The following LHFPL3 variants were observed in gnomAD, a reference collection of about 807,000 sequenced individuals.
LHFPL3 encodes LHFPL tetraspan subfamily member 3 protein.
Under a neutral mutation model 19.3 loss-of-function variants are expected in LHFPL3, and 5 were observed. The observed-to-expected ratio is 0.26, with a 90% CI of 0.14 to 0.54. The LOEUF is 0.54. Ranked by LOEUF, LHFPL3 falls within the 20% of genes least tolerant of loss-of-function variation. The pLI is 0.94. For missense variants in LHFPL3, 249 were observed against 307.4 expected, an observed-to-expected ratio of 0.81 and a Z score of 1.42; for synonymous variants, 133 against 126.2, an observed-to-expected ratio of 1.05 and a Z score of -0.36.
intron 1 of LHFPL3, among the ~76,000 whole-genome samples, chr7:104,371,647 C>CT (rs11332825): frequency 3.4e-4 from 51 of 149,244 alleles, no homozygotes; most frequent in South Asian, 8.5e-4. Context: ...GGCAAATTTT[C>CT]TTTTTTTTTT....
At chr7:104,498,517 G>A (rs1376284213) in intron 1 of LHFPL3, among the ~76,000 whole-genome samples, 2 of 134,494 alleles carry the variant, frequency 1.5e-5, no homozygotes, top group Non-Finnish European at 3.1e-5. Flanking sequence ...TTTTTTTTGA[G>A]ACAGGGTCTC....
intron 1 of LHFPL3, among the ~76,000 whole-genome samples, chr7:104,385,086 G>T (rs1187951080): frequency 6.6e-6 from 1 of 152,086 alleles, no homozygotes; most frequent in Non-Finnish European, 1.5e-5. Context: ...TGAGAACCTG[G>T]TGTGGTGACT....
intron 2 of LHFPL3, among the ~76,000 whole-genome samples, chr7:104,875,233 A>G (rs1295744096): frequency 7.2e-6 from 1 of 138,696 alleles, no homozygotes; most frequent in Admixed American, 7.2e-5. Flanking sequence ...TTACCTATAG[A>G]TAAGGTAAGC....
chr7:104,466,499 G>C (rs1792788477), intron 1 of LHFPL3, among the ~76,000 whole-genome samples: 1 of 152,172 alleles, frequency 6.6e-6, no homozygotes, highest in Non-Finnish European at 1.5e-5. Flanking sequence ...AAAATATCTA[G>C]TAACTGGAAA....
chr7:104,886,241 C>T (rs371205534), intron 2 of LHFPL3, among the ~76,000 whole-genome samples: 32 of 152,216 alleles, frequency 2.1e-4, no homozygotes, highest in African/African-American at 7.0e-4. Flanking sequence ...ATTTGTTGAA[C>T]GAATGACTGA....
rs573984312 is a variant in LHFPL3, at chr7:104,409,638, A to G, written c.445+80414A>G. On this transcript the variant is annotated intron_variant, in intron 1 of 2. Coordinates refer to ENST00000424859, the MANE Select transcript of LHFPL3 (RefSeq NM_199000.3). ...CAAAAAAGAATAAGTAAATAAATAA[A>G]AGAAAAATCTTGGAAAATACTGAAA... Among the ~76,000 whole-genome samples the G allele has an allele frequency of 1.4e-4, 21 of 152,254 alleles. No individual in the cohort carries two copies. In the South Asian group the frequency reaches 3.7e-3, roughly 27 times the overall value.
At chr7:104,439,761 G>A (rs553890478) in intron 1 of LHFPL3, among the ~76,000 whole-genome samples, 2 of 151,876 alleles carry the variant, frequency 1.3e-5, no homozygotes, top group African/African-American at 2.4e-5. Context: ...AAAACTGAAC[G>A]CTTTTCTCCT....
intron 1 of LHFPL3, among the ~76,000 whole-genome samples, chr7:104,446,089 G>A (rs760688606): frequency 7.2e-5 from 11 of 152,082 alleles, no homozygotes; most frequent in Non-Finnish European, 1.6e-4. Context: ...ATGCCTTCTA[G>A]GTCAGTTTCT....
intron 1 of LHFPL3, among the ~76,000 whole-genome samples, chr7:104,500,995 A>G (rs368221994): frequency 7.2e-5 from 11 of 152,298 alleles, no homozygotes; most frequent in African/African-American, 2.6e-4. Flanking sequence ...GTATAGAGTT[A>G]TCTCAGTATA....
At chr7:104,800,564 G>T (rs1188406703) in intron 2 of LHFPL3, among the ~76,000 whole-genome samples, 2 of 152,100 alleles carry the variant, frequency 1.3e-5, no homozygotes, top group East Asian at 3.8e-4. Context: ...TCTCCCAACT[G>T]TCAAATGCAG....
chr7:104,405,162 G>A (rs1475008295), intron 1 of LHFPL3, among the ~76,000 whole-genome samples: 2 of 151,972 alleles, frequency 1.3e-5, no homozygotes, highest in Non-Finnish European at 2.9e-5. Context: ...ATCATGATTG[G>A]GTTTGTCAGT....
intron 1 of LHFPL3, among the ~76,000 whole-genome samples, chr7:104,554,331 G>T (rs1794717410): frequency 6.6e-6 from 1 of 151,702 alleles, no homozygotes; most frequent in Admixed American, 6.6e-5. Context: ...CATTCTAGAT[G>T]ATTTGCAAAA....
intron 1 of LHFPL3, among the ~76,000 whole-genome samples, chr7:104,429,301 C>CTTTTTTTTTTTT (rs71823474): frequency 1.2e-5 from 1 of 84,532 alleles, no homozygotes; most frequent in Non-Finnish European, 2.1e-5. Flanking sequence ...TATGTCATTC[C>CTTTTTTTTTTTT]TTTTTTTTTT....
chr7:104,660,005 T>A (rs1328558618), intron 1 of LHFPL3, among the ~76,000 whole-genome samples: 1 of 10,396 alleles, frequency 9.6e-5, no homozygotes, highest in African/African-American at 1.3e-4. Flanking sequence ...CAGCAACTCG[T>A]TTTTTTTTTT....
chr7:104,633,867 C>A (rs931364859), intron 1 of LHFPL3, among the ~76,000 whole-genome samples: 2 of 152,154 alleles, frequency 1.3e-5, no homozygotes, highest in Non-Finnish European at 2.9e-5. Flanking sequence ...TATTCATTTT[C>A]CCCCTACCCA....
intron 1 of LHFPL3, among the ~76,000 whole-genome samples, chr7:104,355,390 C>T (rs1790254177): frequency 6.6e-6 from 1 of 152,294 alleles, no homozygotes; most frequent in Middle Eastern, 3.4e-3. Flanking sequence ...GCATGGTTCT[C>T]TAGATGTAGT....
intron 2 of LHFPL3, among the ~76,000 whole-genome samples, chr7:104,829,690 A>G (rs1303963003): frequency 6.6e-6 from 1 of 151,922 alleles, no homozygotes; most frequent in East Asian, 1.9e-4. Flanking sequence ...ATAGTATTCC[A>G]TGGTGTATAT....
At chr7:104,394,839 T>C (rs1791150238) in intron 1 of LHFPL3, among the ~76,000 whole-genome samples, 1 of 152,026 alleles carries the variant, frequency 6.6e-6, no homozygotes, top group African/African-American at 2.4e-5. Context: ...TAGCTGGGAT[T>C]ACAGGCACCC....
At position 104,591,573 on chromosome 7, in the gene LHFPL3, G is replaced by A. The variant is rs1414360609; in HGVS notation, c.446-145102G>A. Among the ~76,000 whole-genome samples the A allele has an allele frequency of 2.0e-5, 3 of 152,144 alleles. No individual in the cohort carries two copies. The East Asian group carries it at 5.8e-4, about 29-fold the overall frequency. On this transcript the variant is annotated intron_variant, in intron 1 of 2. Transcript: ENST00000424859. ...TTTTTTCCTTCATTTCAACTTTGGT[G>A]AATCTGACAATTATGTGTCTTGAGG...
Sources: gnomAD v4.1 joint callset for allele counts (sites outside exome capture counted in the v4.1 genomes callset) on GRCh38, gnomAD v4.1.1 for gene constraint, MANE v1.5 for transcripts, NCBI Gene and HGNC (gene_info 2026-07-23, HGNC 2026-07-21) for gene names.